The following ADCY8 variants were observed in gnomAD, a reference collection of about 807,000 sequenced individuals.
ADCY8 encodes adenylate cyclase 8, also known as adenylate cyclase type 8.
ADCY8 carries 51 observed loss-of-function variants against 119.7 expected under a neutral mutation model. The ratio of observed to expected loss-of-function variants is 0.43; its 90% CI spans 0.34 to 0.54. The LOEUF is 0.54. Among genes scored for constraint, ADCY8 ranks in the 20% least tolerant of loss-of-function variants. The pLI is 0.03. For missense variants in ADCY8, 1,383 were observed against 1,598.8 expected (o/e 0.87, Z 2.30); for synonymous variants, 665 against 651.0 (o/e 1.02, Z -0.33).
chr8:130,812,961 T>C (rs1395666208), intron 14 of ADCY8, among the ~76,000 whole-genome samples: 1 of 151,826 alleles, frequency 6.6e-6, no homozygotes, highest in East Asian at 1.9e-4. Flanking sequence ...TTTTTTTTTT[T>C]TTTTGAGATG....
chr8:130,837,494 G>A (rs1002973478), intron 11 of ADCY8, among the ~76,000 whole-genome samples: 2 of 152,116 alleles, frequency 1.3e-5, no homozygotes, highest in African/African-American at 4.8e-5. Context: ...ACCCTGCATA[G>A]ACCAGCATAA....
chr8:130,821,431 A>T lies in ADCY8; in HGVS notation c.2676-11T>A, dbSNP rs201691369. 4 of 1,608,754 alleles carry T rather than the reference A, an allele frequency of 2.5e-6. No homozygotes were observed. The East Asian group carries it at 8.9e-5, about 36-fold the overall frequency. On this transcript the variant is annotated splice_polypyrimidine_tract_variant and intron_variant, in intron 12 of 17. Coordinates refer to ENST00000286355, the MANE Select transcript of ADCY8 (RefSeq NM_001115.3). The stretch of plus-strand genomic sequence containing the variant: ...GTCCCCAGGAAATCTCTGTTGGAAG[A>T]AAAAAGGAACTGATAACCATGGGGG...
rs184321223 is a variant in ADCY8, at chr8:131,034,672, G to A, written c.960+4702C>T. ...CTAAGTAACCTGGATTTGCATATCT[G>A]ACTGCCTTTGATTGTACAGTTATCT... On this transcript the variant is annotated intron_variant, in intron 1 of 17. Coordinates refer to ENST00000286355, the MANE Select transcript of ADCY8 (RefSeq NM_001115.3). 3.8e-3 allele frequency among the ~76,000 whole-genome samples: 573 copies of A among 152,158 alleles called. 1 individual carries two copies. Among genetic ancestry groups the A allele is most frequent in the African/African-American group, 0.013 (557 of 41,512 alleles).
intron 10 of ADCY8, among the ~76,000 whole-genome samples, chr8:130,848,181 G>C (rs111671856): frequency 5.3e-4 from 81 of 152,282 alleles, no homozygotes; most frequent in African/African-American, 1.7e-3. Context: ...TGGTGGATCT[G>C]AGATTTGAAC....
intron 5 of ADCY8, among the ~76,000 whole-genome samples, chr8:130,925,441 TATC>T (rs1313685100): frequency 6.6e-6 from 1 of 152,164 alleles, no homozygotes; most frequent in African/African-American, 2.4e-5. Context: ...GGGATCTTAT[TATC>T]CTCATTTTGC....
At chr8:130,987,846 T>C (rs1014184722) in intron 2 of ADCY8, among the ~76,000 whole-genome samples, 4 of 152,204 alleles carry the variant, frequency 2.6e-5, no homozygotes, top group Non-Finnish European at 4.4e-5. Flanking sequence ...TACCTCCATA[T>C]AAATAACCCT....
chr8:130,833,038 T>G (rs1314495757), intron 12 of ADCY8, among the ~76,000 whole-genome samples: 1 of 152,260 alleles, frequency 6.6e-6, no homozygotes, highest in African/African-American at 2.4e-5. Context: ...AGGTGGCTTA[T>G]TTTGTTCATA....
chr8:130,979,956 C>G (rs1212518704), intron 2 of ADCY8, among the ~76,000 whole-genome samples: 1 of 152,146 alleles, frequency 6.6e-6, no homozygotes, highest in Non-Finnish European at 1.5e-5. Flanking sequence ...TGGTTTAAAA[C>G]AATAGAAATG....
At chr8:131,010,657 G>T (rs1823270966) in intron 1 of ADCY8, among the ~76,000 whole-genome samples, 3 of 152,194 alleles carry the variant, frequency 2.0e-5, no homozygotes, top group Admixed American at 1.3e-4. Flanking sequence ...GTCTGTTCAT[G>T]AGCATTTGAC....
intron 15 of ADCY8, among the ~76,000 whole-genome samples, 178 bp from the exon 16 acceptor site, chr8:130,785,653 C>CT (rs1481921568): frequency 5.9e-5 from 9 of 152,216 alleles, no homozygotes; most frequent in Non-Finnish European, 1.3e-4. Context: ...TTAATGAGCA[C>CT]TTGCTAAGGG....
intron 1 of ADCY8, among the ~76,000 whole-genome samples, chr8:131,015,427 A>C (rs1309497721): frequency 6.6e-6 from 1 of 152,206 alleles, no homozygotes; most frequent in Non-Finnish European, 1.5e-5. Flanking sequence ...TATCCAAAGG[A>C]GTAATGAGGA....
At chr8:130,812,040 A>G (rs1018823597) in intron 14 of ADCY8, among the ~76,000 whole-genome samples, 2 of 152,114 alleles carry the variant, frequency 1.3e-5, no homozygotes, top group Non-Finnish European at 2.9e-5. Context: ...ATCAAGAACT[A>G]TTGATTCTAT....
At chr8:130,869,518 G>T (rs5895062) in intron 8 of ADCY8, among the ~76,000 whole-genome samples, 1,601 of 115,156 alleles carry the variant, frequency 0.014, 3 homozygotes, top group African/African-American at 0.032. Flanking sequence ...ATTTTTTTTT[G>T]TTTTTTTGTT....
chr8:131,037,682 A>G (rs575067269), intron 1 of ADCY8, among the ~76,000 whole-genome samples: 1 of 152,294 alleles, frequency 6.6e-6, no homozygotes, highest in African/African-American at 2.4e-5. Context: ...GGGGAGGAAG[A>G]CAGGGAAGAA....
At chr8:130,807,220 A>G (rs1233887752) in intron 14 of ADCY8, among the ~76,000 whole-genome samples, 1 of 152,096 alleles carries the variant, frequency 6.6e-6, no homozygotes, top group African/African-American at 2.4e-5. Context: ...TGCTCAAGCA[A>G]CTCCAAGTCC....
Position 131,020,577 on chromosome 8 carries a change from T to G in ADCY8, c.960+18797A>C, listed in dbSNP as rs1445717285. Among the ~76,000 whole-genome samples the G allele has an allele frequency of 2.6e-5, 4 of 152,354 alleles. No individual in the cohort carries two copies. The East Asian group carries it at 7.7e-4, about 29-fold the overall frequency. ...ATATCCAACATTCCTTTCTGAGATT[T>G]GGAAGATTTATTGGACTTCTCTACT... On this transcript the variant is annotated intron_variant, in intron 1 of 17. Coordinates refer to ENST00000286355, the MANE Select transcript of ADCY8 (RefSeq NM_001115.3).
intron 9 of ADCY8, 27 bp downstream of exon 9, chr8:130,867,819 C>T (rs1251302277): frequency 1.7e-5 from 25 of 1,493,882 alleles, no homozygotes; most frequent in Non-Finnish European, 1.9e-5. Context: ...GATATTTCAC[C>T]AGATCAATTA....
At chr8:130,972,057 A>G (rs1024188559) in intron 2 of ADCY8, among the ~76,000 whole-genome samples, 39 of 152,226 alleles carry the variant, frequency 2.6e-4, no homozygotes, top group African/African-American at 9.4e-4. Flanking sequence ...TCTACCTAGA[A>G]GCAGACCATA....
chr8:130,852,979 C>T (rs1229602839), intron 9 of ADCY8, among the ~76,000 whole-genome samples: 1 of 152,200 alleles, frequency 6.6e-6, no homozygotes, highest in Non-Finnish European at 1.5e-5. Flanking sequence ...CTCTGCTCCT[C>T]CCCTCAGCAG....
Sources: allele counts gnomAD v4.1 joint callset (sites outside exome capture counted in the v4.1 genomes callset), GRCh38; gene constraint gnomAD v4.1.1; transcripts MANE v1.5; gene names NCBI Gene and HGNC (gene_info 2026-07-23, HGNC 2026-07-21).